PPP1R16A: variants seen among roughly 807,000 people sequenced by gnomAD.
The protein encoded by PPP1R16A is myosin phosphatase-targeting subunit 3.
PPP1R16A carries 39 observed loss-of-function variants against 46.6 expected under a neutral mutation model. The ratio of observed to expected loss-of-function variants is 0.84; its 90% confidence interval spans 0.65 to 1.09. The LOEUF is 1.09. PPP1R16A is among the 50% of genes least tolerant of loss of function. The pLI is 0.00. For synonymous variants in PPP1R16A, 413 were observed against 321.5 expected, an observed-to-expected ratio of 1.28 and a Z score of -3.04; for missense variants, 798 against 735.6, an observed-to-expected ratio of 1.08 and a Z score of -0.98.
At chr8:144,489,915 A>G (rs1336875340) in intron 1 of PPP1R16A, 119 bp from the exon 2 acceptor site, 1 of 152,392 alleles carries the variant, frequency 6.6e-6, no homozygotes, top group African/African-American at 2.4e-5. Flanking sequence ...GCCATGGGCC[A>G]TAGGGAGCCT....
intron 11 of PPP1R16A, 60 bp downstream of exon 11, chr8:144,501,354 TCTCTCCG>T: frequency 6.6e-7 from 1 of 1,516,332 alleles, no homozygotes; most frequent in Non-Finnish European, 8.8e-7. Flanking sequence ...GCCCTGGTTC[TCTCTCCG>T]CTTGGACCCC....
At position 144,499,069 on chromosome 8, in the gene PPP1R16A, C is replaced by A. The variant is rs1426418741; in HGVS notation, c.476+8C>A. 3 of 1,567,584 alleles carry A rather than the reference C, an allele frequency of 1.9e-6. No homozygotes were observed. The highest frequency in any genetic ancestry group is 2.3e-5 in the South Asian group (2 of 88,800). ...GGAGCTGCTCATCGCCAGGTAGGGC[C>A]TGTTGGGCGTCCTTGGCAGGGAGAG... On this transcript the variant is annotated splice_region_variant and intron_variant, in intron 5 of 11. Coordinates refer to ENST00000435887, the MANE Select transcript of PPP1R16A (RefSeq NM_001329443.2).
intron 2 of PPP1R16A, among the ~76,000 whole-genome samples, chr8:144,492,443 C>A (rs539155284): frequency 1.3e-5 from 2 of 149,010 alleles, no homozygotes; most frequent in African/African-American, 5.0e-5. Flanking sequence ...TCAAGTGATT[C>A]TTCTGCCTCA....
chr8:144,480,317 GT>G (rs1265996433), intron 1 of PPP1R16A, among the ~76,000 whole-genome samples: 1 of 152,062 alleles, frequency 6.6e-6, no homozygotes, highest in African/African-American at 2.4e-5. Flanking sequence ...GTGGCTTTCT[GT>G]TTTTTTGTTT....
Position 144,500,766 on chromosome 8 carries a change from G to A in PPP1R16A, c.907+5G>A. On this transcript the variant is annotated splice_donor_5th_base_variant and intron_variant, in intron 9 of 11. Coordinates refer to ENST00000435887, the MANE Select transcript of PPP1R16A (RefSeq NM_001329443.2). ...TGATGGACGAGACGCCCCTTGGTGA[G>A]CTTGCGGGGCCCACCTCCACCTGGG... 6.2e-7 allele frequency: 1 copy of A among 1,610,886 alleles called. No homozygotes were observed. The highest frequency in any genetic ancestry group is 8.5e-7 in the Non-Finnish European group (1 of 1,179,304).
At chr8:144,487,870 C>T (rs1825674270) in intron 1 of PPP1R16A, among the ~76,000 whole-genome samples, 1 of 152,210 alleles carries the variant, frequency 6.6e-6, no homozygotes, top group African/African-American at 2.4e-5. Flanking sequence ...TTGTGAGTCT[C>T]ACACTGTTGG....
chr8:144,479,397 C>A (rs1434854752), intron 1 of PPP1R16A, among the ~76,000 whole-genome samples: 1 of 152,206 alleles, frequency 6.6e-6, no homozygotes, highest in Non-Finnish European at 1.5e-5. Flanking sequence ...CTTCCCCCTC[C>A]TGGTGCTCGA....
intron 1 of PPP1R16A, among the ~76,000 whole-genome samples, chr8:144,482,668 T>G (rs1415319213): frequency 6.6e-6 from 1 of 150,690 alleles, no homozygotes; most frequent in East Asian, 1.9e-4. Context: ...TTTTTTTTTT[T>G]TTTTTTGGGA....
Position 144,500,987 on chromosome 8 carries a change from A to AG in PPP1R16A, c.1037+17dup. ...GCAGCCGCGGGTGAGCGCCGCCCCC[A>AG]GCAGGCCCCGCCCCGGGCTTGGCCC... On this transcript the variant is annotated intron_variant, in intron 10 of 11. Coordinates refer to ENST00000435887, the MANE Select transcript of PPP1R16A (RefSeq NM_001329443.2). The AG allele has an allele frequency of 7.0e-7, 1 of 1,433,208 alleles. No individual in the cohort carries two copies. The highest frequency in any genetic ancestry group is 9.0e-7 in the Non-Finnish European group (1 of 1,105,920). The allele number at this position is 1,433,208 out of a possible 1,614,324, so 88.8% of individuals were successfully genotyped here. A position where few individuals can be genotyped will look rare whatever the true frequency, so the allele number is the denominator to read the frequency against.
At chr8:144,499,184 C>A (rs1293953358) in intron 5 of PPP1R16A, 123 bp downstream of exon 5, 1 of 1,261,700 alleles carries the variant, frequency 7.9e-7, no homozygotes, top group East Asian at 2.6e-5. Flanking sequence ...CCTTTGCTGA[C>A]CCTGCCTGTG....
chr8:144,497,009 C>G lies in PPP1R16A; in HGVS notation c.-186C>G, dbSNP rs1482306699. On this transcript the variant is annotated 5_prime_UTR_variant, in exon 3 of 12. Transcript: ENST00000435887. ...GCCCTCCCTGCCCCGGCCCATGCCC[C>G]CCAGGGCTGCCTGGGCCTGGTTATT... is the stretch of plus-strand genomic sequence containing the variant. 2.6e-6 allele frequency: 2 copies of G among 766,998 alleles called. No homozygotes were observed. The highest frequency in any genetic ancestry group is 4.1e-6 in the Non-Finnish European group (2 of 483,512). The allele number at this position is 766,998 out of a possible 1,614,324, so 47.5% of individuals were successfully genotyped here. A position where few individuals can be genotyped will look rare whatever the true frequency, so the allele number is the denominator to read the frequency against.
At chr8:144,492,277 C>T (rs1160673896) in intron 2 of PPP1R16A, among the ~76,000 whole-genome samples, 1 of 152,068 alleles carries the variant, frequency 6.6e-6, no homozygotes, top group Admixed American at 6.5e-5. Context: ...TCTAGCTGAC[C>T]TGCTCTGGGG....
intron 2 of PPP1R16A, among the ~76,000 whole-genome samples, chr8:144,494,269 G>A (rs193252429): frequency 2.6e-5 from 4 of 151,590 alleles, no homozygotes; most frequent in Non-Finnish European, 4.4e-5. Flanking sequence ...ACTGTGCCCC[G>A]CCGATCTTTT....
At position 144,493,204 on chromosome 8, in the gene PPP1R16A, C is replaced by T. The variant is rs1217705517; in HGVS notation, c.-735+2992C>T. Among the ~76,000 whole-genome samples the T allele has an allele frequency of 6.6e-6, 1 of 152,096 alleles. No individual in the cohort carries two copies. The highest frequency in any genetic ancestry group is 6.5e-5 in the Admixed American group (1 of 15,274). On this transcript the variant is annotated intron_variant, in intron 2 of 11. Coordinates refer to ENST00000435887, the MANE Select transcript of PPP1R16A (RefSeq NM_001329443.2). This position sits in a 1 kb window ranked among gnomAD's most constrained non-coding sequence, Gnocchi z 4.3. ...ACAGTGCCCAGTATCCTCCATGGGG[C>T]TCCTCCCGCCTGGGTCCCACACTCA...
intron 1 of PPP1R16A, among the ~76,000 whole-genome samples, chr8:144,488,658 T>C (rs1198337467): frequency 2.0e-5 from 3 of 151,992 alleles, no homozygotes; most frequent in African/African-American, 4.8e-5. Context: ...ACAAGAACAT[T>C]AGACCACCAG....
At chr8:144,496,159 G>A (rs1035491489) in intron 2 of PPP1R16A, 1 of 152,328 alleles carries the variant, frequency 6.6e-6, no homozygotes, top group African/African-American at 2.4e-5. Context: ...TGGAGGAGCA[G>A]CCTAGCAGGG....
At chr8:144,479,969 C>T (rs929106838) in intron 1 of PPP1R16A, among the ~76,000 whole-genome samples, 13 of 152,210 alleles carry the variant, frequency 8.5e-5, no homozygotes, top group African/African-American at 3.1e-4. Flanking sequence ...TTACTGAGTG[C>T]TGCCTATGAG....
intron 2 of PPP1R16A, among the ~76,000 whole-genome samples, chr8:144,491,626 G>C (rs1025313049): frequency 6.6e-6 from 1 of 152,144 alleles, no homozygotes; most frequent in African/African-American, 2.4e-5. Context: ...AGCTGGGTGT[G>C]GTGGCAGGCG....
chr8:144,485,671 T>C (rs1825606325), intron 1 of PPP1R16A, among the ~76,000 whole-genome samples: 1 of 152,202 alleles, frequency 6.6e-6, no homozygotes, highest in Admixed American at 6.5e-5. Flanking sequence ...TTGACACCAA[T>C]GTGCTCCATT....
Sources: gnomAD v4.1 joint callset for allele counts (sites outside exome capture counted in the v4.1 genomes callset) on GRCh38, gnomAD v4.1.1 for gene constraint, Gnocchi (gnomAD v3.1) non-coding constraint, MANE v1.5 for transcripts, NCBI Gene and HGNC (gene_info 2026-07-23, HGNC 2026-07-21) for gene names.